FOXN3: variants seen among roughly 807,000 people sequenced by gnomAD.
FOXN3 encodes the protein forkhead box N3.
Under a neutral mutation model 38.4 loss-of-function variants are expected in FOXN3, and 7 were observed. The observed-to-expected ratio is 0.18, with a 90% confidence interval of 0.10 to 0.34. FOXN3 has a LOEUF of 0.34. FOXN3 is among the 10% of genes least tolerant of loss of function. The probability of loss-of-function intolerance (pLI) is 1.00; values close to 1 mark genes in which losing one functional copy is unlikely to be tolerated. For missense variants in FOXN3, 456 were observed against 613.4 expected, an observed-to-expected ratio of 0.74 and a Z score of 2.71; for synonymous variants, 230 against 242.2, an observed-to-expected ratio of 0.95 and a Z score of 0.47.
chr14:89,360,153 C>A (rs772229552), intron 2 of FOXN3, among the ~76,000 whole-genome samples: 13 of 152,098 alleles, frequency 8.5e-5, no homozygotes, highest in Admixed American at 2.0e-4. Context: ...TGCGTTTCTG[C>A]CCCCACTGCA....
intron 3 of FOXN3, among the ~76,000 whole-genome samples, chr14:89,331,632 T>C (rs574142660): frequency 5.3e-5 from 8 of 152,304 alleles, no homozygotes; most frequent in South Asian, 4.1e-4. Flanking sequence ...AGTTGTAAAA[T>C]TGAGGAACTG....
At chr14:89,504,468 C>A (rs1215255882) in intron 1 of FOXN3, among the ~76,000 whole-genome samples, 1 of 152,216 alleles carries the variant, frequency 6.6e-6, no homozygotes, top group Non-Finnish European at 1.5e-5. Flanking sequence ...TGGATCCATA[C>A]TGGCAATAAT....
intron 4 of FOXN3, chr14:89,190,493 G>T: frequency 6.6e-7 from 1 of 1,509,674 alleles, no homozygotes; most frequent in Non-Finnish European, 9.2e-7. Flanking sequence ...CAACGGGGCC[G>T]GTGTGTGTGT....
At chr14:89,506,934 CG>C (rs1893952965) in intron 1 of FOXN3, among the ~76,000 whole-genome samples, 3 of 152,054 alleles carry the variant, frequency 2.0e-5, no homozygotes, top group African/African-American at 7.2e-5. Context: ...GCAGCATGCT[CG>C]TTAAGAGTCA....
intron 1 of FOXN3, among the ~76,000 whole-genome samples, chr14:89,536,907 G>A (rs755551117): frequency 1.3e-5 from 2 of 152,134 alleles, no homozygotes; most frequent in Non-Finnish European, 2.9e-5. Context: ...CCATCACCGG[G>A]AAATTATAAA....
intron 5 of FOXN3, among the ~76,000 whole-genome samples, chr14:89,169,712 A>G (rs1887339264): frequency 6.6e-6 from 1 of 152,228 alleles, no homozygotes; most frequent in African/African-American, 2.4e-5. Context: ...TATTCATGCT[A>G]AAAGTTCTAG....
intron 5 of FOXN3, 73 bp downstream of exon 5, chr14:89,180,628 A>C: frequency 9.0e-7 from 1 of 1,111,290 alleles, no homozygotes; most frequent in Non-Finnish European, 1.3e-6. Flanking sequence ...CTGTCTCCAG[A>C]AGGGACCCCG....
chr14:89,512,765 T>C (rs1245994956), intron 1 of FOXN3, among the ~76,000 whole-genome samples: 1 of 152,184 alleles, frequency 6.6e-6, no homozygotes, highest in Admixed American at 6.5e-5. Context: ...AATGTTCTGA[T>C]CCCCATTGGA....
At chr14:89,204,146 C>G (rs932970388) in intron 4 of FOXN3, among the ~76,000 whole-genome samples, 8 of 151,906 alleles carry the variant, frequency 5.3e-5, no homozygotes, top group African/African-American at 1.9e-4. Context: ...CTCTCTTTCT[C>G]CCTTAGAAAC....
chr14:89,243,444 T>C lies in FOXN3; in HGVS notation c.745+37506A>G, dbSNP rs534038724. Among the ~76,000 whole-genome samples the C allele has an allele frequency of 9.8e-5, 15 of 152,322 alleles. No homozygotes were observed. The South Asian group carries it at 3.1e-3, about 32-fold the overall frequency. ...ACAAACACCCGCATTGTATTATAAA[T>C]AGCCTCTTTTAAGGAGGGCTGGGTG... is the stretch of plus-strand genomic sequence containing the variant. On this transcript the variant is annotated intron_variant, in intron 4 of 5. Coordinates refer to ENST00000557258, the MANE Select transcript of FOXN3 (RefSeq NM_005197.4).
At chr14:89,474,367 A>T (rs1893167290) in intron 1 of FOXN3, among the ~76,000 whole-genome samples, 1 of 152,202 alleles carries the variant, frequency 6.6e-6, no homozygotes, top group African/African-American at 2.4e-5. Context: ...CCTCACCCCA[A>T]GCCTTGTAAT....
Position 89,587,435 on chromosome 14 carries a change from G to A in FOXN3, c.-15+31593C>T, listed in dbSNP as rs1361698696. On this transcript the variant is annotated intron_variant, in intron 1 of 6. Coordinates refer to the FOXN3 transcript ENST00000345097. ...GGAGCCAGGCAGACAAAGAAACTGAGCGAAGCCAGTGTCAGATGATAGAGA... is the reference window on the plus strand; with the variant it reads ...GGAGCCAGGCAGACAAAGAAACTGAACGAAGCCAGTGTCAGATGATAGAGA... Among the ~76,000 whole-genome samples, 6 of 152,330 alleles carry A rather than the reference G, an allele frequency of 3.9e-5. No individual in the cohort carries two copies. In the East Asian group the frequency reaches 5.8e-4, roughly 15 times the overall value.
intron 5 of FOXN3, among the ~76,000 whole-genome samples, chr14:89,177,009 CT>C (rs34575638): frequency 0.015 from 1,711 of 114,160 alleles, 26 homozygotes; most frequent in African/African-American, 0.046. Flanking sequence ...CTCTTTCTTT[CT>C]TTTTTTTTTT....
intron 1 of FOXN3, among the ~76,000 whole-genome samples, chr14:89,451,421 C>T (rs568104485): frequency 6.6e-6 from 1 of 152,374 alleles, no homozygotes; most frequent in South Asian, 2.1e-4. Flanking sequence ...CCGCTGGCTA[C>T]CTGCCTACGG....
intron 4 of FOXN3, among the ~76,000 whole-genome samples, chr14:89,256,018 G>T (rs10131514): frequency 1.3e-5 from 2 of 152,072 alleles, no homozygotes; most frequent in African/African-American, 4.8e-5. Context: ...GCAGGGTGGA[G>T]GTGGGTCTGA....
intron 5 of FOXN3, among the ~76,000 whole-genome samples, chr14:89,175,118 G>A (rs1033354500): frequency 6.6e-6 from 1 of 152,208 alleles, no homozygotes; most frequent in Non-Finnish European, 1.5e-5. Context: ...GGGTTTTCCC[G>A]ATGATTCTAT....
intron 4 of FOXN3, among the ~76,000 whole-genome samples, chr14:89,227,368 A>G (rs1884672502): frequency 1.3e-5 from 2 of 152,230 alleles, no homozygotes; most frequent in Non-Finnish European, 2.9e-5. Flanking sequence ...AGCTTGGAAT[A>G]AGCTCTTTGC....
intron 1 of FOXN3, among the ~76,000 whole-genome samples, chr14:89,511,243 T>C (rs541358988): frequency 0.1 from 1,719 of 17,160 alleles, 527 homozygotes; most frequent in Admixed American, 0.32. Flanking sequence ...TTTCCTTTTC[T>C]TTCTTTTCTT....
intron 4 of FOXN3, among the ~76,000 whole-genome samples, chr14:89,217,626 T>G (rs1164895804): frequency 1.3e-5 from 2 of 152,238 alleles, no homozygotes. Flanking sequence ...AAGGGGACCA[T>G]GCACCCTAGT....
Sources: allele counts gnomAD v4.1 joint callset (sites outside exome capture counted in the v4.1 genomes callset), GRCh38; gene constraint gnomAD v4.1.1; transcripts MANE v1.5; gene names NCBI Gene and HGNC (gene_info 2026-07-23, HGNC 2026-07-21).